The following HS6ST2 variants were observed in gnomAD, a reference collection of about 807,000 sequenced individuals.
HS6ST2 encodes the protein heparan sulfate 6-O-sulfotransferase 2.
Under a neutral mutation model 33.0 loss-of-function variants are expected in HS6ST2, and 17 were observed. The observed-to-expected ratio is 0.52, with a 90% CI of 0.35 to 0.77. The LOEUF (loss-of-function observed/expected upper bound fraction) is 0.77, where lower values mean the gene tolerates loss of function less well. Ranked by LOEUF, HS6ST2 falls within the 30% of genes least tolerant of loss-of-function variation. HS6ST2 has a pLI of 0.01. For missense variants in HS6ST2, 519 were observed against 551.7 expected (o/e 0.94, Z 0.59); for synonymous variants, 248 against 237.1 (o/e 1.05, Z -0.42).
rs183987458 is a variant in HS6ST2 at position 132,729,648 on chromosome X, C to A, written c.948-21154G>T. Reference sequence around the variant, plus strand: ...TCAAAGACATTTGCAAAATATAAAACAATGCCACTCAGTTATTTTTTTTTA... The same window carrying A: ...TCAAAGACATTTGCAAAATATAAAAAAATGCCACTCAGTTATTTTTTTTTA... On this transcript the variant is annotated intron_variant, in intron 2 of 4. Coordinates refer to ENST00000370833, the MANE Select transcript of HS6ST2 (RefSeq NM_001394073.1). Among the ~76,000 whole-genome samples the A allele has an allele frequency of 7.4e-3, 831 of 111,738 alleles. 5 individuals are homozygous for A. Among genetic ancestry groups the A allele is most frequent in the African/African-American group, 0.026 (790 of 30,743 alleles).
chrX:132,661,233 T>C (rs1450123262), intron 4 of HS6ST2, among the ~76,000 whole-genome samples: 1 of 110,420 alleles, frequency 9.1e-6, no homozygotes, highest in Non-Finnish European at 1.9e-5. Flanking sequence ...GACATCCATA[T>C]TGAAAAGGAA....
At chrX:132,721,411 A>T (rs2148265062) in intron 2 of HS6ST2, among the ~76,000 whole-genome samples, 1 of 112,184 alleles carries the variant, frequency 8.9e-6, no homozygotes, top group African/African-American at 3.2e-5. Context: ...CCCAAAGCCT[A>T]TGGGATACAG....
At chrX:132,866,018 A>C (rs1456799898) in intron 2 of HS6ST2, among the ~76,000 whole-genome samples, 5 of 111,434 alleles carry the variant, frequency 4.5e-5, no homozygotes, top group Non-Finnish European at 7.5e-5. Context: ...CTTTTGTTGC[A>C]GTTGCTTTTG....
chrX:132,705,743 T>C (rs1276219385), intron 3 of HS6ST2, among the ~76,000 whole-genome samples: 3 of 111,783 alleles, frequency 2.7e-5, no homozygotes, highest in Non-Finnish European at 5.6e-5. Context: ...AGCGCCAGGA[T>C]TGGACCCGAG....
intron 2 of HS6ST2, among the ~76,000 whole-genome samples, chrX:132,888,618 C>T (rs1245900223): frequency 9.0e-6 from 1 of 111,365 alleles, no homozygotes; most frequent in Non-Finnish European, 1.9e-5. Flanking sequence ...AATTCTCATG[C>T]CTCAGCCTCC....
In HS6ST2 at chrX:132,943,678, T is replaced by C. The variant is rs1236811918; in HGVS notation, c.947+13130A>G. ...ATCCACCATGATCAAGTGGGCTTCA[T>C]CCCTGGGATGCAAGGCTGGTTCAAC... On this transcript the variant is annotated intron_variant, in intron 2 of 4. Coordinates refer to ENST00000370833, the MANE Select transcript of HS6ST2 (RefSeq NM_001394073.1). 3.6e-5 allele frequency among the ~76,000 whole-genome samples: 4 copies of C among 111,321 alleles called. No homozygotes were observed. The East Asian group carries it at 1.1e-3, about 31-fold the overall frequency.
In HS6ST2 at chrX:132,715,104, C is replaced by A. The variant is rs758971563; in HGVS notation, c.948-6610G>T. On this transcript the variant is annotated intron_variant, in intron 2 of 4. Transcript: ENST00000370833. ...CCCAGGGTGCCTACCATATCTTGTT[C>A]GATTCAGAACTCAAGTGGCTGCTAT... 4.9e-4 allele frequency among the ~76,000 whole-genome samples: 55 copies of A among 111,775 alleles called. 1 individual carries two copies. Among genetic ancestry groups the A allele is most frequent in the African/African-American group, 1.7e-3 (51 of 30,774 alleles).
At chrX:132,874,320 G>C (rs1392133204) in intron 2 of HS6ST2, among the ~76,000 whole-genome samples, 1 of 112,710 alleles carries the variant, frequency 8.9e-6, no homozygotes, top group Admixed American at 9.3e-5. Flanking sequence ...GCTCACTCCT[G>C]TAATCTCAGC....
At chrX:132,749,030 C>T in intron 2 of HS6ST2, among the ~76,000 whole-genome samples, 1 of 111,739 alleles carries the variant, frequency 8.9e-6, no homozygotes, top group East Asian at 2.8e-4. Context: ...TGCATGCATG[C>T]CATTGCTCAC....
intron 3 of HS6ST2, among the ~76,000 whole-genome samples, chrX:132,683,442 C>G (rs1176503798): frequency 3.6e-5 from 4 of 111,793 alleles, no homozygotes; most frequent in Non-Finnish European, 7.5e-5. Context: ...ATTTTTAATC[C>G]TGTCAAGTGA....
intron 3 of HS6ST2, among the ~76,000 whole-genome samples, chrX:132,681,098 T>G (rs1391269117): frequency 9.0e-6 from 1 of 111,138 alleles, no homozygotes; most frequent in East Asian, 2.8e-4. Context: ...TGGTATTTCG[T>G]CAGTCATCCT....
At chrX:132,638,208 C>T (rs926895449) in intron 4 of HS6ST2, among the ~76,000 whole-genome samples, 4 of 106,604 alleles carry the variant, frequency 3.8e-5, no homozygotes, top group Admixed American at 1.1e-4. Flanking sequence ...AGGAGGAAGG[C>T]GTTCAAATCA....
chrX:132,936,872 A>T (rs1208256101), intron 2 of HS6ST2, among the ~76,000 whole-genome samples: 1 of 111,557 alleles, frequency 9.0e-6, no homozygotes, highest in Non-Finnish European at 1.9e-5. Flanking sequence ...AGAAAGAAAA[A>T]AAAAAAAGAA....
At chrX:132,811,450 T>C (rs2065342676) in intron 2 of HS6ST2, among the ~76,000 whole-genome samples, 1 of 108,294 alleles carries the variant, frequency 9.2e-6, no homozygotes, top group Non-Finnish European at 1.9e-5. Flanking sequence ...ACTTTTTTCA[T>C]CTTTCCAAAT....
chrX:132,726,557 G>T (rs2148271774), intron 2 of HS6ST2, among the ~76,000 whole-genome samples: 1 of 111,820 alleles, frequency 8.9e-6, no homozygotes, highest in Admixed American at 9.4e-5. Flanking sequence ...GTATACAATG[G>T]GTTTTAGTAT....
At chrX:132,731,145 A>G (rs928632108) in intron 2 of HS6ST2, among the ~76,000 whole-genome samples, 1 of 112,097 alleles carries the variant, frequency 8.9e-6, no homozygotes, top group African/African-American at 3.2e-5. Flanking sequence ...CCTGACTCTC[A>G]TGCTCCCATG....
chrX:132,917,592 CAAA>C (rs371446172), intron 2 of HS6ST2, among the ~76,000 whole-genome samples: 4 of 83,926 alleles, frequency 4.8e-5, no homozygotes, highest in Non-Finnish European at 2.4e-5. Flanking sequence ...GACTCCCTCT[CAAA>C]AAAAAAAAAA....
chrX:132,689,319 A>G (rs1228002144), intron 3 of HS6ST2, among the ~76,000 whole-genome samples: 2 of 112,191 alleles, frequency 1.8e-5, no homozygotes, highest in Non-Finnish European at 3.8e-5. Context: ...TCTGCCTGAT[A>G]GGAAGTCTGT....
chrX:132,872,298 A>T (rs2066069396), intron 2 of HS6ST2, among the ~76,000 whole-genome samples: 1 of 112,030 alleles, frequency 8.9e-6, no homozygotes, highest in African/African-American at 3.2e-5. Context: ...TCTTTCAATT[A>T]CCTCTCCACT....
Sources: gnomAD v4.1 joint callset for allele counts (sites outside exome capture counted in the v4.1 genomes callset) on GRCh38, gnomAD v4.1.1 for gene constraint, MANE v1.5 for transcripts, NCBI Gene and HGNC (gene_info 2026-07-23, HGNC 2026-07-21) for gene names.